The following SLC2A14 variants were observed in gnomAD, a reference collection of about 807,000 sequenced individuals.
SLC2A14 encodes the protein solute carrier family 2, facilitated glucose transporter member 14.
A neutral mutation model predicts 43.0 loss-of-function variants in SLC2A14; 13 were observed. The ratio of observed to expected loss-of-function variants is 0.30; its 90% CI spans 0.20 to 0.48. The LOEUF (loss-of-function observed/expected upper bound fraction) is 0.48, where lower values mean the gene tolerates loss of function less well. Ranked by LOEUF, SLC2A14 falls within the 20% of genes least tolerant of loss-of-function variation. SLC2A14 has a pLI of 0.99. For missense variants in SLC2A14, 428 were observed against 620.4 expected (o/e 0.69, Z 3.29); for synonymous variants, 190 against 233.8 (o/e 0.81, Z 1.71).
chr12:7,864,477 T>C (rs1213180945), intron 2 of SLC2A14, among the ~76,000 whole-genome samples: 2 of 152,078 alleles, frequency 1.3e-5, no homozygotes, highest in Non-Finnish European at 2.9e-5. Flanking sequence ...TAGCTGGGAC[T>C]GCAGGTGCGC....
chr12:7,878,549 C>T (rs1945504493), intron 1 of SLC2A14, among the ~76,000 whole-genome samples: 1 of 151,978 alleles, frequency 6.6e-6, no homozygotes, highest in Non-Finnish European at 1.5e-5. Context: ...ATGAGCCACC[C>T]TGCCCAGCCA....
At chr12:7,834,659 G>A (rs1223539004) in intron 2 of SLC2A14, among the ~76,000 whole-genome samples, 2 of 151,462 alleles carry the variant, frequency 1.3e-5, no homozygotes, top group Non-Finnish European at 1.5e-5. Flanking sequence ...TTGAGCCCAG[G>A]AGATAGAAGC....
intron 2 of SLC2A14, among the ~76,000 whole-genome samples, chr12:7,867,306 A>G (rs113155506): frequency 1.5e-5 from 2 of 129,886 alleles, no homozygotes; most frequent in African/African-American, 2.8e-5. Context: ...AAAAACAAAA[A>G]AAACATTCGT....
At position 7,867,754 on chromosome 12, in the gene SLC2A14, A is replaced by G. The variant is rs766769294; in HGVS notation, c.18+2109T>C. On this transcript the variant is annotated intron_variant, in intron 2 of 10. Transcript: ENST00000431042. Reference sequence around the variant, plus strand: ...CAGCTACTCGGGAGGCTGAGGCAGAAGAATCACTTGAACCTGGGAGGTGGA... The same window carrying G: ...CAGCTACTCGGGAGGCTGAGGCAGAGGAATCACTTGAACCTGGGAGGTGGA... 3.6e-4 allele frequency among the ~76,000 whole-genome samples: 54 copies of G among 152,034 alleles called. 2 individuals are homozygous for G. In the South Asian group the frequency reaches 6.4e-3, roughly 18 times the overall value.
rs933144294 is a variant in SLC2A14 at position 7,872,727 on chromosome 12, C to T, written c.-58+80G>A. 3 of 972,448 alleles carry T rather than the reference C, an allele frequency of 3.1e-6. No individual in the cohort carries two copies. The African/African-American group carries it at 5.3e-5, about 17-fold the overall frequency. 60.2% of individuals were successfully genotyped at this position (972,448 alleles called of 1,614,324 possible). A position where few individuals can be genotyped will look rare whatever the true frequency, so the allele number is the denominator to read the frequency against. ...ACCTCCGAGTAGCCGCCCACCTCTACTCTAGCTCGGCCACCTCTACCCCAG... is the reference window on the plus strand; with the variant it reads ...ACCTCCGAGTAGCCGCCCACCTCTATTCTAGCTCGGCCACCTCTACCCCAG... On this transcript the variant is annotated intron_variant, in intron 1 of 10. Coordinates refer to ENST00000431042, the MANE Select transcript of SLC2A14 (RefSeq NM_001286234.2).
intron 2 of SLC2A14, among the ~76,000 whole-genome samples, chr12:7,841,790 G>A (rs1036987826): frequency 5.9e-5 from 9 of 151,872 alleles, no homozygotes; most frequent in Non-Finnish European, 1.2e-4. Flanking sequence ...GGCAGATCAC[G>A]AGGTCAGGAG....
chr12:7,862,465 C>A (rs977704350), intron 2 of SLC2A14, among the ~76,000 whole-genome samples: 7 of 152,046 alleles, frequency 4.6e-5, no homozygotes, highest in African/African-American at 1.4e-4. Context: ...CCTGAGCCTT[C>A]CCACCCCCTC....
intron 9 of SLC2A14, among the ~76,000 whole-genome samples, chr12:7,818,577 A>C (rs1202943485): frequency 1.3e-5 from 2 of 152,106 alleles, no homozygotes; most frequent in Non-Finnish European, 2.9e-5. Flanking sequence ...CAGGAGAATC[A>C]ATGAAGCCTG....
Position 7,816,168 on chromosome 12 carries a change from A to G in SLC2A14, c.1276-1634T>C, listed in dbSNP as rs1236826435. 4.9e-5 allele frequency among the ~76,000 whole-genome samples: 3 copies of G among 61,594 alleles called. 1 individual carries two copies. The Admixed American group carries it at 6.1e-4, about 13-fold the overall frequency. The allele number at this position is 61,594 out of a possible 152,430, so 40.4% of individuals were successfully genotyped here. A position where few individuals can be genotyped will look rare whatever the true frequency, so the allele number is the denominator to read the frequency against. ...GCCGGACTGCGGACTGCAGTGGCGC[A>G]ATCTCGGCTCACTGCAAGCTCCGCT... On this transcript the variant is annotated intron_variant, in intron 10 of 10. Transcript: ENST00000431042.
At chr12:7,840,950 G>A (rs1328894708) in intron 2 of SLC2A14, among the ~76,000 whole-genome samples, 11 of 151,204 alleles carry the variant, frequency 7.3e-5, no homozygotes, top group African/African-American at 2.7e-4. Flanking sequence ...TTTTAGATGC[G>A]CTAAGTCGGC....
intron 10 of SLC2A14, among the ~76,000 whole-genome samples, chr12:7,817,340 C>G (rs1295141464): frequency 2.0e-5 from 3 of 152,104 alleles, no homozygotes; most frequent in Non-Finnish European, 4.4e-5. Flanking sequence ...GTCTCTACCT[C>G]CCGACCTCAG....
chr12:7,882,641 A>AGGT (rs1178721050), intron 1 of SLC2A14, among the ~76,000 whole-genome samples: 1 of 152,178 alleles, frequency 6.6e-6, no homozygotes, highest in African/African-American at 2.4e-5. Flanking sequence ...GTTAAAGACC[A>AGGT]GCCTGGTCAA....
chr12:7,863,944 T>C (rs921132454), intron 2 of SLC2A14, among the ~76,000 whole-genome samples: 6 of 151,536 alleles, frequency 4.0e-5, no homozygotes, highest in Non-Finnish European at 4.4e-5. Flanking sequence ...GCCTCCCGAG[T>C]AGCTGGCACT....
chr12:7,846,420 TTTATCC>T (rs1267438379), intron 2 of SLC2A14, among the ~76,000 whole-genome samples: 3 of 151,786 alleles, frequency 2.0e-5, no homozygotes, highest in Non-Finnish European at 4.4e-5. Context: ...AAAAAAAAAC[TTTATCC>T]TTATTAAATC....
In SLC2A14 at chr12:7,826,864, T is replaced by TCCTTCCTTCCTTCCTTCCTTCCTTC. The variant is rs71457018; in HGVS notation, c.864+630_864+631insGAAGGAAGGAAGGAAGGAAGGAAGG. Among the ~76,000 whole-genome samples, 106 of 40,540 alleles carry TCCTTCCTTCCTTCCTTCCTTCCTTC rather than the reference T, an allele frequency of 2.6e-3. 14 individuals carry two copies. The highest frequency in any genetic ancestry group is 8.4e-3 in the African/African-American group (88 of 10,502). The allele number at this position is 40,540 out of a possible 152,430, so 26.6% of individuals were successfully genotyped here. On this transcript the variant is annotated intron_variant, in intron 7 of 10. Coordinates refer to ENST00000431042, the MANE Select transcript of SLC2A14 (RefSeq NM_001286234.2). ...TTCCTTCCTTCCTTCCTTTCTTTTT[T>TCCTTCCTTCCTTCCTTCCTTCCTTC]CTTTCTTTCTTTCTTTCTTTCTTTC...
intron 1 of SLC2A14, chr12:7,870,975 T>C: frequency 7.0e-7 from 1 of 1,433,566 alleles, no homozygotes; most frequent in Non-Finnish European, 9.4e-7. Context: ...GCTTTCAACA[T>C]GATTGACCAG....
At chr12:7,843,012 G>A (rs1866109473) in intron 2 of SLC2A14, among the ~76,000 whole-genome samples, 1 of 152,066 alleles carries the variant, frequency 6.6e-6, no homozygotes, top group Non-Finnish European at 1.5e-5. Flanking sequence ...ACAGGTGTGA[G>A]CCACCGCGCC....
intron 1 of SLC2A14, chr12:7,871,301 A>T (rs887496886): frequency 1.4e-5 from 15 of 1,110,040 alleles, no homozygotes; most frequent in Non-Finnish European, 1.4e-5. Context: ...GCACCCATTG[A>T]TAAAAAAAGA....
chr12:7,827,709 A>T (rs202082026), intron 6 of SLC2A14, 27 bp from the exon 7 acceptor site: 1 of 1,095,476 alleles, frequency 9.1e-7, no homozygotes, highest in South Asian at 1.7e-5. Flanking sequence ...AGAGGAAAGG[A>T]TAAAGAGAAT....
Sources: gnomAD v4.1 joint callset for allele counts (sites outside exome capture counted in the v4.1 genomes callset) on GRCh38, gnomAD v4.1.1 for gene constraint, MANE v1.5 for transcripts, NCBI Gene and HGNC (gene_info 2026-07-23, HGNC 2026-07-21) for gene names.